Variants in DHRSX observed in about 807,000 individuals in gnomAD.
DHRSX encodes the protein dehydrogenase/reductase X-linked, also known as polyprenol dehydrogenase.
A neutral mutation model predicts 34.0 loss-of-function variants in DHRSX; 31 were observed. The observed-to-expected ratio is 0.91, with a 90% CI of 0.69 to 1.23. DHRSX has a LOEUF of 1.23. Ranked by LOEUF, DHRSX falls within the 50% of genes most tolerant of loss-of-function variation. The probability of loss-of-function intolerance (pLI) is 0.00; values close to 1 mark genes in which losing one functional copy is unlikely to be tolerated. For missense variants in DHRSX, 414 were observed against 428.1 expected (o/e 0.97, Z 0.29); for synonymous variants, 201 against 183.8 (o/e 1.09, Z -0.76).
chrX:2,459,864 T>C (rs2044379047), intron 1 of DHRSX, among the ~76,000 whole-genome samples: 6 of 151,938 alleles, frequency 3.9e-5, no homozygotes, highest in Admixed American at 3.9e-4. Context: ...TCCCAGCACT[T>C]TGGGAGGCTG....
At chrX:2,460,204 G>A (rs1202987023) in intron 1 of DHRSX, among the ~76,000 whole-genome samples, 2 of 152,092 alleles carry the variant, frequency 1.3e-5, no homozygotes, top group Non-Finnish European at 2.9e-5. Context: ...ACAAAGCGGC[G>A]AGTGTTCCCA....
chrX:2,264,468 CAG>C (rs2041412232), intron 5 of DHRSX, among the ~76,000 whole-genome samples: 1 of 151,258 alleles, frequency 6.6e-6, no homozygotes, highest in Non-Finnish European at 1.5e-5. Context: ...TCAGCAGACG[CAG>C]AGAGCACCGT....
At chrX:2,221,590 C>T (rs1047643223) in intron 6 of DHRSX, among the ~76,000 whole-genome samples, 5 of 152,104 alleles carry the variant, frequency 3.3e-5, no homozygotes, top group Non-Finnish European at 7.3e-5. Context: ...TGCTTGGCTT[C>T]TGTATTTAAT....
chrX:2,293,888 A>G (rs2041897183), intron 3 of DHRSX, among the ~76,000 whole-genome samples: 1 of 152,104 alleles, frequency 6.6e-6, no homozygotes, highest in Non-Finnish European at 1.5e-5. Context: ...AATCAATTTT[A>G]TGACAGACAC....
chrX:2,236,821 G>A (rs2016026143), intron 6 of DHRSX, among the ~76,000 whole-genome samples: 1 of 151,766 alleles, frequency 6.6e-6, no homozygotes, highest in African/African-American at 2.4e-5. Context: ...GGAGACTGTA[G>A]TCAGGGACAG....
At chrX:2,304,425 T>C (rs1190326617) in intron 3 of DHRSX, among the ~76,000 whole-genome samples, 1 of 152,106 alleles carries the variant, frequency 6.6e-6, no homozygotes, top group Non-Finnish European at 1.5e-5. Flanking sequence ...CTCATTCAAA[T>C]CTCAAGTTGA....
intron 3 of DHRSX, among the ~76,000 whole-genome samples, chrX:2,315,222 G>T (rs1391663483): frequency 1.3e-5 from 2 of 151,714 alleles, no homozygotes; most frequent in African/African-American, 4.8e-5. Context: ...GCTTGGTGCT[G>T]TCCAAATAAA....
At chrX:2,267,363 G>T (rs1220224907) in intron 4 of DHRSX, among the ~76,000 whole-genome samples, 1 of 152,014 alleles carries the variant, frequency 6.6e-6, no homozygotes, top group Non-Finnish European at 1.5e-5. Flanking sequence ...GCCCAACATG[G>T]TGAAACCCTT....
rs759606170 is a variant in DHRSX, at chrX:2,248,784, C to T, written c.597-5554G>A. Reference sequence around the variant, plus strand: ...TGCTCAGAGGCCAAAAAAATCTAGACAGGCCTGTCTGTTTCCCCACTCAGA... The same window carrying T: ...TGCTCAGAGGCCAAAAAAATCTAGATAGGCCTGTCTGTTTCCCCACTCAGA... On this transcript the variant is annotated intron_variant, in intron 5 of 6. Coordinates refer to ENST00000334651, the MANE Select transcript of DHRSX (RefSeq NM_145177.3). Among the ~76,000 whole-genome samples the T allele has an allele frequency of 2.2e-4, 34 of 152,176 alleles. No individual in the cohort carries two copies. The South Asian group carries it at 6.9e-3, about 31-fold the overall frequency.
At chrX:2,324,140 A>T (rs1432563909) in intron 3 of DHRSX, among the ~76,000 whole-genome samples, 2 of 151,884 alleles carry the variant, frequency 1.3e-5, no homozygotes, top group East Asian at 1.9e-4. Flanking sequence ...TTTGTTGGTG[A>T]TTTCTCACAC....
chrX:2,361,063 T>C (rs1264684206), intron 3 of DHRSX, among the ~76,000 whole-genome samples: 1 of 152,078 alleles, frequency 6.6e-6, no homozygotes, highest in Admixed American at 6.6e-5. Context: ...TTGGCTTTGG[T>C]TAGAGAAAAT....
chrX:2,390,828 T>A (rs1329424948), intron 3 of DHRSX, among the ~76,000 whole-genome samples: 3 of 152,192 alleles, frequency 2.0e-5, no homozygotes, highest in Admixed American at 6.5e-5. Context: ...CTTCCTTTTT[T>A]ATGGCTGTGT....
At chrX:2,417,799 C>T (rs1314937314) in intron 2 of DHRSX, among the ~76,000 whole-genome samples, 1 of 152,104 alleles carries the variant, frequency 6.6e-6, no homozygotes, top group Non-Finnish European at 1.5e-5. Flanking sequence ...CTCAACCAGT[C>T]ATCCTAATCT....
chrX:2,339,271 G>T (rs1451638469), intron 3 of DHRSX, among the ~76,000 whole-genome samples: 2 of 151,852 alleles, frequency 1.3e-5, no homozygotes, highest in African/African-American at 4.8e-5. Context: ...AAGCAGCTGG[G>T]ATTACAGGTG....
At chrX:2,360,171 T>A (rs1434319966) in intron 3 of DHRSX, among the ~76,000 whole-genome samples, 1 of 152,090 alleles carries the variant, frequency 6.6e-6, no homozygotes, top group Admixed American at 6.6e-5. Context: ...GAACTCACCA[T>A]TGCCACCCAC....
chrX:2,231,340 G>A (rs2015871394), intron 6 of DHRSX, among the ~76,000 whole-genome samples: 1 of 151,590 alleles, frequency 6.6e-6, no homozygotes, highest in African/African-American at 2.4e-5. Context: ...AACTGATCTG[G>A]GTGGCATCAC....
chrX:2,393,505 A>G (rs1392760278), intron 3 of DHRSX, among the ~76,000 whole-genome samples: 1 of 115,248 alleles, frequency 8.7e-6, no homozygotes, highest in African/African-American at 3.4e-5. Context: ...ACACACAGGG[A>G]CCTCCCCGTC....
At chrX:2,353,567 G>A (rs1345292673) in intron 3 of DHRSX, among the ~76,000 whole-genome samples, 1 of 150,080 alleles carries the variant, frequency 6.7e-6, no homozygotes, top group Non-Finnish European at 1.5e-5. Flanking sequence ...GTTTAGGGAA[G>A]GATTATAGCT....
At position 2,220,901 on chromosome X, in the gene DHRSX, G is replaced by T; in HGVS notation, c.*140C>A. The stretch of plus-strand genomic sequence containing the variant: ...TTCTTGAAGTTCTGCAGAGGTTGAG[G>T]CAGCTGTCTCAAAACTAGAGGACAG... On this transcript the variant is annotated 3_prime_UTR_variant, in exon 7 of 7. Coordinates refer to ENST00000334651, the MANE Select transcript of DHRSX (RefSeq NM_145177.3). 1 of 702,660 alleles carries T rather than the reference G, an allele frequency of 1.4e-6. No individual in the cohort carries two copies. The highest frequency in any genetic ancestry group is 2.3e-6 in the Non-Finnish European group (1 of 430,438). The allele number at this position is 702,660 out of a possible 1,614,324, so 43.5% of individuals were successfully genotyped here. A position where few individuals can be genotyped will look rare whatever the true frequency, so the allele number is the denominator to read the frequency against.
Sources: allele counts gnomAD v4.1 joint callset (sites outside exome capture counted in the v4.1 genomes callset), GRCh38; gene constraint gnomAD v4.1.1; transcripts MANE v1.5; gene names NCBI Gene and HGNC (gene_info 2026-07-23, HGNC 2026-07-21).